The following ALLC variants were observed in gnomAD, a reference collection of about 807,000 sequenced individuals.
ALLC encodes allantoicase.
Under a neutral mutation model 45.0 loss-of-function variants are expected in ALLC, and 40 were observed. The ratio of observed to expected loss-of-function variants is 0.89; its 90% CI spans 0.69 to 1.16. The LOEUF is 1.16. Among genes scored for constraint, ALLC ranks in the 50% most tolerant of loss-of-function variants. The pLI is 0.00. For synonymous variants in ALLC, 176 were observed against 178.1 expected, an observed-to-expected ratio of 0.99 and a Z score of 0.09; for missense variants, 488 against 493.1, an observed-to-expected ratio of 0.99 and a Z score of 0.10.
At chr2:3,696,150 T>G (rs1283814685) in intron 8 of ALLC, 125 bp from the exon 9 acceptor site, 7 of 874,340 alleles carry the variant, frequency 8.0e-6, no homozygotes, top group Non-Finnish European at 1.0e-5. Flanking sequence ...AAACATTAAC[T>G]TTAATGAAAA....
upstream of ALLC, among the ~76,000 whole-genome samples, chr2:3,653,494 C>T (rs886286820): frequency 2.6e-5 from 4 of 152,218 alleles, no homozygotes; most frequent in African/African-American, 7.2e-5. The surrounding 1 kb of genome is among the most constrained non-coding windows in gnomAD (Gnocchi z 4.1). Context: ...CTGCCAGCTA[C>T]GATCCAGCCC....
the ALLC span, among the ~76,000 whole-genome samples, chr2:3,648,749 G>A: frequency 6.6e-6 from 1 of 152,192 alleles, no homozygotes. Context: ...ATCCATGTGG[G>A]CAGACGGCCG....
chr2:3,683,546 T>C (rs1667253327), intron 7 of ALLC, among the ~76,000 whole-genome samples: 1 of 152,222 alleles, frequency 6.6e-6, no homozygotes, highest in Admixed American at 6.5e-5. Flanking sequence ...CCTTTAGCTA[T>C]CATCCCTCAT....
At chr2:3,687,676 T>C (rs1163561754) in intron 7 of ALLC, among the ~76,000 whole-genome samples, 1 of 151,128 alleles carries the variant, frequency 6.6e-6, no homozygotes, top group Admixed American at 6.6e-5. Flanking sequence ...GTAGATTGTA[T>C]GTGTCCAGAA....
chr2:3,654,562 C>T (rs182734785), upstream of ALLC, among the ~76,000 whole-genome samples: 1 of 152,210 alleles, frequency 6.6e-6, no homozygotes, highest in African/African-American at 2.4e-5. Flanking sequence ...CTGACCCACA[C>T]ATTCAGGTTA....
chr2:3,684,702 C>T (rs999100143), intron 7 of ALLC, among the ~76,000 whole-genome samples: 1 of 152,180 alleles, frequency 6.6e-6, no homozygotes, highest in African/African-American at 2.4e-5. Context: ...TCTCCAACTC[C>T]ATCCAGGTTG....
intron 1 of ALLC, among the ~76,000 whole-genome samples, chr2:3,660,363 C>T (rs185626597): frequency 2.1e-3 from 324 of 152,256 alleles, no homozygotes; most frequent in Non-Finnish European, 4.4e-3. Flanking sequence ...GCCAAGTAAA[C>T]CCCTTTTTTT....
Position 3,678,510 on chromosome 2 carries a change from G to T in ALLC, c.127G>T (p.Gly43Trp). Reference protein sequence around the residue: ...CFKEHEYTEFGKWMDGWETRR... With the variant: ...CFKEHEYTEFWKWMDGWETRR... ...CAAAGAGCATGAATATACGGAGTTT[G>T]GGAAATGGATGGATGGCTGGGAGAC... The change falls in exon 4 of 12, where the codon GGG becomes TGG. Residue 43 changes from glycine (G) to tryptophan (W), a missense_variant. By Grantham distance (184) the Gly-to-Trp change is radical. Transcript: ENST00000252505. The T allele has an allele frequency of 6.2e-7, 1 of 1,614,066 alleles. No individual in the cohort carries two copies. The highest frequency in any genetic ancestry group is 1.1e-5 in the South Asian group (1 of 91,084).
intron 1 of ALLC, among the ~76,000 whole-genome samples, chr2:3,670,064 C>T (rs1276348890): frequency 1.3e-5 from 2 of 152,094 alleles, no homozygotes; most frequent in Non-Finnish European, 2.9e-5. Context: ...AAAGAACCAG[C>T]GAATCAGGAT....
In ALLC at chr2:3,679,916, G is replaced by T. The variant is rs763696982; in HGVS notation, c.220G>T (p.Gly74Cys). Residue 74 changes from glycine to cysteine, a missense_variant, in exon 5 of 12, where the codon GGC becomes TGC. Transcript: ENST00000252505. ...LRLGIQGVIR[G>C]FDVDVSYFTG... Reference sequence around the variant, plus strand: ...GCTGGGGATCCAAGGAGTCATCCGGGGCTTCGACGTGGACGTTTCTTACTT... The same window carrying T: ...GCTGGGGATCCAAGGAGTCATCCGGTGCTTCGACGTGGACGTTTCTTACTT... The T allele has an allele frequency of 1.4e-5, 23 of 1,613,964 alleles. No homozygotes were observed. The South Asian group carries it at 2.5e-4, about 18-fold the overall frequency.
At chr2:3,698,983 G>C (rs2035066221) in intron 10 of ALLC, among the ~76,000 whole-genome samples, 1 of 151,844 alleles carries the variant, frequency 6.6e-6, no homozygotes, top group Non-Finnish European at 1.5e-5. Context: ...AAGAAGTCTT[G>C]GTAATTTTAA....
In ALLC at chr2:3,671,126, G is replaced by A. The variant is rs541622966; in HGVS notation, c.-32G>A. ...ACGGCTGATGCTCCGAAGGAGGGAA[G>A]ACTGACCCGGTTTCTGGACTTCACC... On this transcript the variant is annotated 5_prime_UTR_variant, in exon 2 of 12. Transcript: ENST00000252505. The A allele has an allele frequency of 1.1e-5, 18 of 1,607,218 alleles. No individual in the cohort carries two copies. The South Asian group carries it at 1.7e-4, about 15-fold the overall frequency.
At chr2:3,691,038 A>G (rs1420348426) in intron 7 of ALLC, among the ~76,000 whole-genome samples, 1 of 151,890 alleles carries the variant, frequency 6.6e-6, no homozygotes. Context: ...TTTATCCAGG[A>G]AAGATTTTCT....
intron 11 of ALLC, among the ~76,000 whole-genome samples, chr2:3,701,862 T>G (rs1667851174): frequency 6.6e-6 from 1 of 152,218 alleles, no homozygotes; most frequent in Non-Finnish European, 1.5e-5. Context: ...TCAGAATACA[T>G]ACGTGGAAAC....
At chr2:3,649,074 G>A in the ALLC span, among the ~76,000 whole-genome samples, 1 of 152,116 alleles carries the variant, frequency 6.6e-6, no homozygotes, top group African/African-American at 2.4e-5. Context: ...CGGGTTCATA[G>A]AAACGGCAAC....
chr2:3,679,994 G>A lies in ALLC; in HGVS notation c.298G>A (p.Asp100Asn), dbSNP rs995080292. The A allele has an allele frequency of 6.2e-7, 1 of 1,613,700 alleles. No homozygotes were observed. The highest frequency in any genetic ancestry group is 1.3e-5 in the African/African-American group (1 of 74,894). Residue 100 changes from aspartate (D) to asparagine (N), a missense_variant and splice_region_variant, in exon 5 of 12, where the codon GAT becomes AAT. Coordinates refer to ENST00000252505, the MANE Select transcript of ALLC (RefSeq NM_018436.4). ...CATTCAAGCAGCAAACTTGGAAGAAGGTGCGTTAGGAACCACTGTCCCCAA... is the reference window on the plus strand; with the variant it reads ...CATTCAAGCAGCAAACTTGGAAGAAAGTGCGTTAGGAACCACTGTCCCCAA... The part of the protein sequence containing the change: ...VSIQAANLEE[D>N]KLPEIPERGT...
intron 6 of ALLC, among the ~76,000 whole-genome samples, chr2:3,682,565 G>A (rs1408012681): frequency 6.6e-6 from 1 of 152,144 alleles, no homozygotes; most frequent in South Asian, 2.1e-4. Flanking sequence ...TCGCTCTGTG[G>A]CCCAGGCTGG....
At chr2:3,672,747 A>C (rs193293264) in intron 2 of ALLC, among the ~76,000 whole-genome samples, 4 of 130,642 alleles carry the variant, frequency 3.1e-5, no homozygotes, top group African/African-American at 8.8e-5. Context: ...CTGGTTAGAT[A>C]GGAGGTCCTC....
chr2:3,652,935 T>C, the ALLC span, among the ~76,000 whole-genome samples: 2 of 152,206 alleles, frequency 1.3e-5, no homozygotes, highest in African/African-American at 4.8e-5. Flanking sequence ...ATCTTAACTC[T>C]GTAGTCAGCA....
Sources: allele counts gnomAD v4.1 joint callset (sites outside exome capture counted in the v4.1 genomes callset), GRCh38; gene constraint gnomAD v4.1.1; non-coding constraint Gnocchi (gnomAD v3.1); transcripts MANE v1.5; gene names NCBI Gene and HGNC (gene_info 2026-07-23, HGNC 2026-07-21).